The following MYRFL variants were observed in gnomAD, a reference collection of about 807,000 sequenced individuals.
MYRFL encodes the protein myelin regulatory factor-like protein.
In MYRFL, 88 loss-of-function variants were observed where a neutral mutation model predicts 109.4. The observed-to-expected ratio is 0.80, with a 90% CI of 0.68 to 0.96. The LOEUF is 0.96. Among genes scored for constraint, MYRFL ranks in the 40% least tolerant of loss-of-function variants. The pLI is 0.00. For synonymous variants in MYRFL, 324 were observed against 320.9 expected (o/e 1.01, Z -0.10); for missense variants, 957 against 954.9 (o/e 1.00, Z -0.03).
At chr12:69,914,373 A>G (rs1954667531) in intron 13 of MYRFL, among the ~76,000 whole-genome samples, 1 of 152,162 alleles carries the variant, frequency 6.6e-6, no homozygotes, top group Non-Finnish European at 1.5e-5. Flanking sequence ...GTATAAACAC[A>G]GCTATTAGTC....
At chr12:69,842,107 G>A (rs1883279642) in intron 1 of MYRFL, among the ~76,000 whole-genome samples, 1 of 152,126 alleles carries the variant, frequency 6.6e-6, no homozygotes, top group Non-Finnish European at 1.5e-5. Flanking sequence ...TTGTGTTTGG[G>A]TCTCTAACCC....
intron 13 of MYRFL, among the ~76,000 whole-genome samples, chr12:69,922,893 T>C (rs1954956272): frequency 6.6e-6 from 1 of 152,200 alleles, no homozygotes; most frequent in Admixed American, 6.5e-5. Flanking sequence ...TGATACTCTA[T>C]CATTTCTTCT....
rs900821571 is a variant in MYRFL at position 69,886,886 on chromosome 12, C to T, written c.623C>T (p.Thr208Ile). Residue 208 changes from threonine (T) to isoleucine (I), a missense_variant, in exon 6 of 25, where the codon ACA (threonine) becomes ATA (isoleucine). Coordinates refer to ENST00000552032, the MANE Select transcript of MYRFL (RefSeq NM_182530.3). ...AGTGAGGGACAGAACAGAATGCCTA[C>T]AGACCAGTGCTCTCCTGCTCTGAAG... is the stretch of plus-strand genomic sequence containing the variant. ...PDSEGQNRMP[T>I]DQCSPALKWQ... 6.5e-7 allele frequency: 1 copy of T among 1,535,944 alleles called. No individual in the cohort carries two copies. Among genetic ancestry groups the T allele is most frequent in the African/African-American group, 1.4e-5 (1 of 73,158 alleles).
chr12:69,955,778 C>T (rs188105293), intron 22 of MYRFL, among the ~76,000 whole-genome samples: 15 of 151,742 alleles, frequency 9.9e-5, no homozygotes, highest in African/African-American at 3.1e-4. Context: ...ACATGCCCCC[C>T]GATGGGAAGA....
rs1954509499 is a variant in MYRFL at position 69,910,144 on chromosome 12, T to G, written c.1492+67T>G. On this transcript the variant is annotated intron_variant, in intron 12 of 24. Transcript: ENST00000552032. ...ATTAAAATTTTAATTACCTCTTTAT[T>G]TTGAGGTTATGTGCTATGGCATTTG... 3.7e-6 allele frequency: 4 copies of G among 1,069,046 alleles called. No homozygotes were observed. The African/African-American group carries it at 4.8e-5, about 13-fold the overall frequency. The allele number at this position is 1,069,046 out of a possible 1,614,324, so 66.2% of individuals were successfully genotyped here.
chr12:69,957,234 C>G (rs1456081619), intron 22 of MYRFL, among the ~76,000 whole-genome samples: 2 of 152,204 alleles, frequency 1.3e-5, no homozygotes, highest in African/African-American at 4.8e-5. Flanking sequence ...CACTCCCAAA[C>G]TCCTACCTGT....
At chr12:69,930,863 C>T (rs2120463094) in intron 15 of MYRFL, among the ~76,000 whole-genome samples, 1 of 151,536 alleles carries the variant, frequency 6.6e-6, no homozygotes. Context: ...ATTGTCCTAC[C>T]TCTTACAGGT....
In MYRFL at chr12:69,910,009, G is replaced by A. The variant is rs1566018163; in HGVS notation, c.1424G>A (p.Arg475Lys). ...NEQLKRIAQMRIVEYDYKPEF... is the reference protein window; with the variant it reads ...NEQLKRIAQMKIVEYDYKPEF... Reference sequence around the variant, plus strand: ...CAGCTGAAAAGAATAGCCCAAATGAGAATTGTTGAATATGACTACAAACCT... The same window carrying A: ...CAGCTGAAAAGAATAGCCCAAATGAAAATTGTTGAATATGACTACAAACCT... Residue 475 changes from arginine (R) to lysine (K), a missense_variant, in exon 12 of 25, where the codon AGA becomes AAA. Arg to Lys is a conservative substitution (Grantham distance 26). Transcript: ENST00000552032. The A allele has an allele frequency of 6.5e-7, 1 of 1,534,540 alleles. No homozygotes were observed. The highest frequency in any genetic ancestry group is 8.7e-7 in the Non-Finnish European group (1 of 1,146,428).
At chr12:69,839,247 C>G (rs1375767697) in intron 1 of MYRFL, among the ~76,000 whole-genome samples, 1 of 152,136 alleles carries the variant, frequency 6.6e-6, no homozygotes, top group Non-Finnish European at 1.5e-5. Context: ...TCAGCTTTAT[C>G]AGATGAATTG....
intron 19 of MYRFL, among the ~76,000 whole-genome samples, chr12:69,939,114 G>A (rs966522097): frequency 1.3e-5 from 2 of 152,200 alleles, no homozygotes; most frequent in African/African-American, 2.4e-5. Context: ...GAGGCTGGGG[G>A]AGGGGCGCCC....
At chr12:69,887,146 G>A (rs1886507147) in intron 6 of MYRFL, among the ~76,000 whole-genome samples, 176 bp downstream of exon 6, 2 of 152,082 alleles carry the variant, frequency 1.3e-5, no homozygotes, top group Admixed American at 1.3e-4. Context: ...TTGGAATATG[G>A]GTTTCTGGCC....
At chr12:69,951,529 G>A (rs1238515018) in intron 19 of MYRFL, among the ~76,000 whole-genome samples, 1 of 147,938 alleles carries the variant, frequency 6.8e-6, no homozygotes, top group East Asian at 2.1e-4. Flanking sequence ...CCAGGTTCAA[G>A]TGATTCTCCT....
At position 69,827,626 on chromosome 12, in the gene MYRFL, T is replaced by C. The variant is rs536169505; in HGVS notation, c.46+2063T>C. On this transcript the variant is annotated intron_variant, in intron 1 of 24. Coordinates refer to ENST00000552032, the MANE Select transcript of MYRFL (RefSeq NM_182530.3). Reference sequence around the variant, plus strand: ...GTTGTCATAAGACGGGTGCATTGTTTTATTTATAATAACTAAAAATTGGTT... The same window carrying C: ...GTTGTCATAAGACGGGTGCATTGTTCTATTTATAATAACTAAAAATTGGTT... Among the ~76,000 whole-genome samples the C allele has an allele frequency of 2.6e-3, 402 of 152,232 alleles. 4 individuals carry two copies. Among genetic ancestry groups the C allele is most frequent in the African/African-American group, 9.2e-3 (381 of 41,570 alleles).
intron 19 of MYRFL, among the ~76,000 whole-genome samples, chr12:69,939,763 C>A (rs1955584547): frequency 6.6e-6 from 1 of 151,474 alleles, no homozygotes; most frequent in Non-Finnish European, 1.5e-5. Context: ...GGAGGACATT[C>A]AAACCAAAGG....
chr12:69,956,339 G>C (rs1956095448), intron 22 of MYRFL, among the ~76,000 whole-genome samples: 1 of 152,052 alleles, frequency 6.6e-6, no homozygotes, highest in Admixed American at 6.5e-5. Flanking sequence ...CTGACACACA[G>C]TAAGCACACA....
At chr12:69,925,227 T>C (rs1955038949) in intron 13 of MYRFL, among the ~76,000 whole-genome samples, 1 of 152,160 alleles carries the variant, frequency 6.6e-6, no homozygotes, top group Admixed American at 6.5e-5. Flanking sequence ...TCTCAGACAC[T>C]GGAGAGTGCA....
chr12:69,825,479 C>T lies in MYRFL; in HGVS notation c.-39C>T, dbSNP rs1425690722. ...TACTTATTTCCTGAGGTCTGATAACCGTTGTTTTATGAGGAAATAGTACTA... is the reference window on the plus strand; with the variant it reads ...TACTTATTTCCTGAGGTCTGATAACTGTTGTTTTATGAGGAAATAGTACTA... On this transcript the variant is annotated 5_prime_UTR_variant, in exon 1 of 25. Transcript: ENST00000552032. 28 of 699,270 alleles carry T rather than the reference C, an allele frequency of 4.0e-5. No individual in the cohort carries two copies. In the Middle Eastern group the frequency reaches 9.2e-4, roughly 23 times the overall value. The allele number at this position is 699,270 out of a possible 1,614,324, so 43.3% of individuals were successfully genotyped here. A position where few individuals can be genotyped will look rare whatever the true frequency, so the allele number is the denominator to read the frequency against.
chr12:69,877,191 T>G (rs1247086123), intron 2 of MYRFL, among the ~76,000 whole-genome samples: 2 of 151,694 alleles, frequency 1.3e-5, no homozygotes, highest in African/African-American at 2.4e-5. Flanking sequence ...GCCTGGCTCA[T>G]TTTTTGTATT....
intron 13 of MYRFL, among the ~76,000 whole-genome samples, chr12:69,921,906 C>T (rs566838333): frequency 8.4e-4 from 126 of 150,898 alleles, no homozygotes; most frequent in Non-Finnish European, 1.0e-3. Flanking sequence ...GAACTTTCTG[C>T]GGTTTAGAGG....
Sources: allele counts gnomAD v4.1 joint callset (sites outside exome capture counted in the v4.1 genomes callset), GRCh38; gene constraint gnomAD v4.1.1; transcripts MANE v1.5; gene names NCBI Gene and HGNC (gene_info 2026-07-23, HGNC 2026-07-21).